Variants in TMEFF1 observed in about 807,000 individuals in gnomAD.
The protein encoded by TMEFF1 is tomoregulin-1.
A neutral mutation model predicts 47.5 loss-of-function variants in TMEFF1; 20 were observed. The ratio of observed to expected loss-of-function variants is 0.42; its 90% CI spans 0.30 to 0.61. The LOEUF (loss-of-function observed/expected upper bound fraction) is 0.61. Among genes scored for constraint, TMEFF1 ranks in the 20% least tolerant of loss-of-function variants. The pLI is 0.19. For synonymous variants in TMEFF1, 162 were observed against 166.3 expected, an observed-to-expected ratio of 0.97 and a Z score of 0.20; for missense variants, 411 against 471.1, an observed-to-expected ratio of 0.87 and a Z score of 1.18.
At chr9:100,543,606 T>TATTG (rs1242842545) in intron 5 of TMEFF1, among the ~76,000 whole-genome samples, 1 of 152,010 alleles carries the variant, frequency 6.6e-6, no homozygotes, top group Non-Finnish European at 1.5e-5. Context: ...AGCAGGGGTG[T>TATTG]GTCCAATCAT....
intron 8 of TMEFF1, among the ~76,000 whole-genome samples, chr9:100,572,178 GAAA>G (rs1839252756): frequency 6.6e-6 from 1 of 151,680 alleles, no homozygotes; most frequent in South Asian, 2.1e-4. Context: ...TTTAAAAAGT[GAAA>G]AAAAGGAGTA....
intron 1 of TMEFF1, among the ~76,000 whole-genome samples, chr9:100,494,637 G>C (rs183728395): frequency 1.8e-4 from 27 of 152,238 alleles, no homozygotes; most frequent in Admixed American, 4.6e-4. Context: ...GAAGGAGGAA[G>C]GGACAGTGCC....
intron 5 of TMEFF1, among the ~76,000 whole-genome samples, chr9:100,546,524 G>A (rs555626410): frequency 1.3e-4 from 20 of 151,834 alleles, no homozygotes; most frequent in African/African-American, 4.8e-4. Context: ...AACCACATCA[G>A]GCCTGCAAAG....
intron 9 of TMEFF1, 137 bp from the exon 10 acceptor site, chr9:100,576,379 A>G (rs1839354384): frequency 1.9e-6 from 2 of 1,050,884 alleles, no homozygotes; most frequent in African/African-American, 3.2e-5. Context: ...AACAGATACC[A>G]TCTCATTTCC....
At chr9:100,515,207 A>T (rs186330591) in intron 4 of TMEFF1, among the ~76,000 whole-genome samples, 1,584 of 151,552 alleles carry the variant, frequency 0.01, 67 homozygotes, top group Admixed American at 0.066. Context: ...TTTTTAAAAA[A>T]TTTTTTTTTG....
chr9:100,549,593 G>C (rs1050572169), intron 6 of TMEFF1, among the ~76,000 whole-genome samples: 7 of 152,162 alleles, frequency 4.6e-5, no homozygotes, highest in Non-Finnish European at 1.0e-4. Flanking sequence ...GGAAGCTTGT[G>C]CTTCTAAACA....
chr9:100,571,711 A>G (rs1839243053), intron 8 of TMEFF1, among the ~76,000 whole-genome samples: 1 of 152,148 alleles, frequency 6.6e-6, no homozygotes, highest in Non-Finnish European at 1.5e-5. Flanking sequence ...CTTTATTTCT[A>G]TTATTATTAC....
intron 2 of TMEFF1, among the ~76,000 whole-genome samples, chr9:100,501,658 T>G (rs1388967238): frequency 6.6e-6 from 1 of 152,102 alleles, no homozygotes; most frequent in Non-Finnish European, 1.5e-5. Context: ...TTTATTATTA[T>G]TTTTTGAGAT....
chr9:100,534,995 G>A (rs1838475170), intron 5 of TMEFF1, among the ~76,000 whole-genome samples: 1 of 152,180 alleles, frequency 6.6e-6, no homozygotes, highest in Non-Finnish European at 1.5e-5. Flanking sequence ...CAGGCCACAT[G>A]TGGTCTTCAC....
At chr9:100,532,818 G>T in intron 5 of TMEFF1, among the ~76,000 whole-genome samples, 1 of 151,980 alleles carries the variant, frequency 6.6e-6, no homozygotes, top group Non-Finnish European at 1.5e-5. Context: ...ATTCACAATC[G>T]CAAAGACTTG....
At chr9:100,489,722 T>C (rs974318175) in intron 1 of TMEFF1, among the ~76,000 whole-genome samples, 1 of 152,196 alleles carries the variant, frequency 6.6e-6, no homozygotes, top group Admixed American at 6.5e-5. Context: ...AGCCTGACTT[T>C]AAATGTGTCA....
chr9:100,555,789 A>C (rs1838904734), intron 7 of TMEFF1, among the ~76,000 whole-genome samples: 1 of 152,230 alleles, frequency 6.6e-6, no homozygotes, highest in Admixed American at 6.5e-5. Context: ...CATAAGTGAC[A>C]TCAGTAGGAT....
chr9:100,568,683 C>T (rs1168095858), intron 8 of TMEFF1, among the ~76,000 whole-genome samples: 4 of 151,612 alleles, frequency 2.6e-5, no homozygotes, highest in Non-Finnish European at 5.9e-5. Context: ...ATTTTCATCT[C>T]CTCAAGAGGA....
At chr9:100,526,043 G>C (rs1838248059) in intron 5 of TMEFF1, among the ~76,000 whole-genome samples, 1 of 152,168 alleles carries the variant, frequency 6.6e-6, no homozygotes, top group African/African-American at 2.4e-5. Flanking sequence ...TTGAGACCTT[G>C]TTTGAAGTGT....
At chr9:100,561,869 T>A (rs1490279103) in intron 8 of TMEFF1, among the ~76,000 whole-genome samples, 1 of 152,084 alleles carries the variant, frequency 6.6e-6, no homozygotes, top group East Asian at 1.9e-4. Context: ...AACATGTAAC[T>A]CAAATAAAAT....
intron 5 of TMEFF1, among the ~76,000 whole-genome samples, chr9:100,537,545 C>T (rs967411999): frequency 5.4e-4 from 82 of 152,164 alleles, no homozygotes; most frequent in Non-Finnish European, 9.1e-4. Context: ...AGATAGTAAG[C>T]TGTCTATTGC....
At chr9:100,532,447 C>G (rs1479173256) in intron 5 of TMEFF1, among the ~76,000 whole-genome samples, 1 of 152,150 alleles carries the variant, frequency 6.6e-6, no homozygotes, top group Non-Finnish European at 1.5e-5. Context: ...AGACATTTCT[C>G]AAAAGAAGAC....
At chr9:100,500,624 A>G (rs1437594784) in intron 2 of TMEFF1, among the ~76,000 whole-genome samples, 1 of 152,182 alleles carries the variant, frequency 6.6e-6, no homozygotes, top group Non-Finnish European at 1.5e-5. Context: ...CACTGTAAGC[A>G]TATTTTCCTT....
intron 5 of TMEFF1, among the ~76,000 whole-genome samples, chr9:100,546,795 A>G (rs548646751): frequency 1.4e-4 from 21 of 152,146 alleles, no homozygotes; most frequent in Middle Eastern, 3.4e-3. Context: ...GAGTCTCTGT[A>G]TTTTTATTTT....
Sources: allele counts gnomAD v4.1 joint callset (sites outside exome capture counted in the v4.1 genomes callset), GRCh38; gene constraint gnomAD v4.1.1; transcripts MANE v1.5; gene names NCBI Gene and HGNC (gene_info 2026-07-23, HGNC 2026-07-21).